Variants in EIF2S2 observed in about 807,000 individuals in gnomAD.
The protein encoded by EIF2S2 is eukaryotic translation initiation factor 2 subunit beta.
Under a neutral mutation model 44.0 loss-of-function variants are expected in EIF2S2, and 4 were observed. That is an observed-to-expected ratio of 0.09 (90% CI 0.04 to 0.21). The LOEUF (loss-of-function observed/expected upper bound fraction) is 0.21. EIF2S2 is among the 10% of genes least tolerant of loss of function. The pLI, the probability that EIF2S2 is intolerant of heterozygous loss-of-function variation, is 1.00. For synonymous variants in EIF2S2, 108 were observed against 128.3 expected (o/e 0.84, Z 1.07); for missense variants, 154 against 392.0 (o/e 0.39, Z 5.13).
chr20:34,111,580 A>AC (rs1233405042), intron 1 of EIF2S2, among the ~76,000 whole-genome samples: 1 of 151,342 alleles, frequency 6.6e-6, no homozygotes, highest in Non-Finnish European at 1.5e-5. Flanking sequence ...TAACCCCATC[A>AC]CCCCCTCGTC....
intron 6 of EIF2S2, among the ~76,000 whole-genome samples, chr20:34,095,480 T>A (rs917608792): frequency 3.0e-4 from 46 of 152,166 alleles, no homozygotes; most frequent in African/African-American, 1.1e-3. Flanking sequence ...CCTGACTTAT[T>A]TTTTGTATTT....
At chr20:34,098,455 G>A in intron 4 of EIF2S2, 43 bp downstream of exon 4, 1 of 1,606,770 alleles carries the variant, frequency 6.2e-7, no homozygotes, top group South Asian at 1.1e-5. Flanking sequence ...AGGGCCAAAG[G>A]CTTGAGTAAC....
At chr20:34,093,474 T>C (rs17091517) in intron 7 of EIF2S2, among the ~76,000 whole-genome samples, 13,899 of 152,268 alleles carry the variant, frequency 0.091, 2,097 homozygotes, top group African/African-American at 0.31. Context: ...CCAGCAGGCC[T>C]GTTCAGATGT....
chr20:34,105,312 G>A lies in EIF2S2; in HGVS notation c.193+56C>T, dbSNP rs185236137. On this transcript the variant is annotated intron_variant, in intron 2 of 8. Coordinates refer to ENST00000374980, the MANE Select transcript of EIF2S2 (RefSeq NM_003908.5). ...TCGCTGCATATCCAAAAGCCAAAACGCTCATAGAACCAGGGCTTCTATGAC... is the reference window on the plus strand; with the variant it reads ...TCGCTGCATATCCAAAAGCCAAAACACTCATAGAACCAGGGCTTCTATGAC... 85 of 1,569,044 alleles carry A rather than the reference G, an allele frequency of 5.4e-5. No individual in the cohort carries two copies. In the East Asian group the frequency reaches 1.2e-3, roughly 22 times the overall value.
intron 1 of EIF2S2, among the ~76,000 whole-genome samples, chr20:34,110,425 C>G (rs1194698520): frequency 1.3e-5 from 2 of 152,210 alleles, no homozygotes; most frequent in Non-Finnish European, 2.9e-5. Context: ...TCTTGTCCTA[C>G]TAACTTTCTG....
At position 34,090,366 on chromosome 20, in the gene EIF2S2, C is replaced by G. The variant is rs1333459305; in HGVS notation, c.826+151G>C. The G allele has an allele frequency of 5.8e-6, 3 of 517,750 alleles. No individual in the cohort carries two copies. In the African/African-American group the frequency reaches 6.0e-5, roughly 10 times the overall value. 32.1% of individuals were successfully genotyped at this position (517,750 alleles called of 1,614,324 possible). On this transcript the variant is annotated intron_variant, in intron 8 of 8. Transcript: ENST00000374980. ...TCTATCTATACCCCTAGTTAGTAGG[C>G]AAGAGCCACCTCCCTTTCACTATCA...
chr20:34,106,365 C>T (rs1003285381), intron 1 of EIF2S2, among the ~76,000 whole-genome samples: 1 of 151,704 alleles, frequency 6.6e-6, no homozygotes, highest in African/African-American at 2.4e-5. Context: ...TATAGCAAAT[C>T]TCTGAGTAAG....
In EIF2S2 at chr20:34,112,210, G is replaced by A. The variant is rs2034423763; in HGVS notation, c.-100C>T. On this transcript the variant is annotated 5_prime_UTR_variant, in exon 1 of 9. Coordinates refer to ENST00000374980, the MANE Select transcript of EIF2S2 (RefSeq NM_003908.5). Reference sequence around the variant, plus strand: ...CCCTGCCGATACCTCTCCCACCACCGCACTAGGCTCTTGCATCAGCGAAAG... The same window carrying A: ...CCCTGCCGATACCTCTCCCACCACCACACTAGGCTCTTGCATCAGCGAAAG... 6.2e-6 allele frequency: 8 copies of A among 1,288,734 alleles called. No individual in the cohort carries two copies. In the East Asian group the frequency reaches 1.2e-4, roughly 19 times the overall value. The allele number at this position is 1,288,734 out of a possible 1,614,324, so 79.8% of individuals were successfully genotyped here.
At chr20:34,099,654 C>T (rs898711405) in intron 3 of EIF2S2, among the ~76,000 whole-genome samples, 2 of 152,202 alleles carry the variant, frequency 1.3e-5, no homozygotes, top group Admixed American at 1.3e-4. Flanking sequence ...AGATGCCAGT[C>T]ACCACGTATT....
At chr20:34,102,867 T>G (rs2034309402) in intron 3 of EIF2S2, among the ~76,000 whole-genome samples, 1 of 152,178 alleles carries the variant, frequency 6.6e-6, no homozygotes, top group Admixed American at 6.5e-5. Context: ...CTCCCTCCTA[T>G]TCACCTTCCT....
In EIF2S2 at chr20:34,112,181, C is replaced by T. The variant is rs568881673; in HGVS notation, c.-71G>A. 1.1e-5 allele frequency: 16 copies of T among 1,466,976 alleles called. No homozygotes were observed. In the African/African-American group the frequency reaches 1.1e-4, roughly 10 times the overall value. The allele number at this position is 1,466,976 out of a possible 1,614,324, so 90.9% of individuals were successfully genotyped here. ...TCAGCCCCAGGCCCCGGCGGCAGCG[C>T]TGCCCCTGCCGATACCTCTCCCACC... On this transcript the variant is annotated 5_prime_UTR_variant, in exon 1 of 9. Transcript: ENST00000374980.
In EIF2S2 at chr20:34,098,589, C is replaced by T; in HGVS notation, c.342G>A (p.Glu114=). 1 of 1,613,932 alleles carries T rather than the reference C, an allele frequency of 6.2e-7. No individual in the cohort carries two copies. Among genetic ancestry groups the T allele is most frequent in the Non-Finnish European group, 8.5e-7 (1 of 1,179,984 alleles). The stretch of plus-strand genomic sequence containing the variant: ...TGCCAAGCATAATGTCAAGGTCATC[C>T]TCTGGTTCAGTTGGTTCTTGAACAT... ...ESDVQEPTEP[E]DDLDIMLGNK... is the part of the protein sequence containing the mutation. The change falls in exon 4 of 9, where the codon GAG becomes GAA. Residue 114 remains glutamate, a synonymous_variant. Transcript: ENST00000374980.
chr20:34,098,188 G>A (rs2034253371), intron 4 of EIF2S2, among the ~76,000 whole-genome samples: 1 of 151,710 alleles, frequency 6.6e-6, no homozygotes, highest in Non-Finnish European at 1.5e-5. Context: ...AGAGATTGTG[G>A]TGAGCCAAGA....
At chr20:34,100,999 T>G (rs934419837) in intron 3 of EIF2S2, among the ~76,000 whole-genome samples, 1 of 152,146 alleles carries the variant, frequency 6.6e-6, no homozygotes, top group Non-Finnish European at 1.5e-5. Context: ...AATATCTATT[T>G]TGTGTGTGCC....
At chr20:34,090,053 G>C in intron 8 of EIF2S2, 148 bp from the exon 9 acceptor site, 2 of 813,040 alleles carry the variant, frequency 2.5e-6, no homozygotes, top group Non-Finnish European at 3.9e-6. Flanking sequence ...AGCTATTCGA[G>C]GGGTAAGAAA....
At chr20:34,092,060 A>T (rs1166406915) in intron 7 of EIF2S2, among the ~76,000 whole-genome samples, 1 of 152,088 alleles carries the variant, frequency 6.6e-6, no homozygotes, top group Admixed American at 6.5e-5. Flanking sequence ...AAAATTATAA[A>T]TCATAAAGTG....
Position 34,098,483 on chromosome 20 carries a change from A to T in EIF2S2, c.433+15T>A. ...TGAGTAACCTCTAAATGTGCTGCTG[A>T]GTCCTCAGCATTACCTTCATCTTTC... is the stretch of plus-strand genomic sequence containing the variant. On this transcript the variant is annotated intron_variant, in intron 4 of 8. Transcript: ENST00000374980. The T allele has an allele frequency of 6.2e-7, 1 of 1,612,146 alleles. No homozygotes were observed. The highest frequency in any genetic ancestry group is 8.5e-7 in the Non-Finnish European group (1 of 1,179,598).
chr20:34,091,849 G>A (rs928343594), intron 7 of EIF2S2, among the ~76,000 whole-genome samples: 5 of 150,510 alleles, frequency 3.3e-5, no homozygotes, highest in African/African-American at 1.2e-4. Flanking sequence ...CGAGAGAGAC[G>A]GACGTCCGAG....
intron 4 of EIF2S2, 38 bp downstream of exon 4, chr20:34,098,460 A>G (rs1162375919): frequency 6.2e-7 from 1 of 1,608,172 alleles, no homozygotes; most frequent in Non-Finnish European, 8.5e-7. Context: ...CAAAGGCTTG[A>G]GTAACCTCTA....
Sources: gnomAD v4.1 joint callset for allele counts (sites outside exome capture counted in the v4.1 genomes callset) on GRCh38, gnomAD v4.1.1 for gene constraint, MANE v1.5 for transcripts, NCBI Gene and HGNC (gene_info 2026-07-23, HGNC 2026-07-21) for gene names.